Variants in NPAS3 observed in about 807,000 individuals in gnomAD.
The protein encoded by NPAS3 is neuronal PAS domain-containing protein 3.
In NPAS3, 14 loss-of-function variants were observed where a neutral mutation model predicts 73.1. The observed-to-expected ratio is 0.19, with a 90% CI of 0.13 to 0.30. The LOEUF is 0.30. Ranked by LOEUF, NPAS3 falls within the 10% of genes least tolerant of loss-of-function variation. NPAS3 has a pLI of 1.00. For missense variants in NPAS3, 1,096 were observed against 1,250.0 expected (o/e 0.88, Z 1.86); for synonymous variants, 620 against 541.5 (o/e 1.14, Z -2.01).
chr14:33,739,971 A>G (rs1343247523), intron 7 of NPAS3, among the ~76,000 whole-genome samples: 2 of 152,078 alleles, frequency 1.3e-5, no homozygotes, highest in Non-Finnish European at 2.9e-5. Flanking sequence ...TTATTTTTTC[A>G]TTTCCCCTAA....
intron 2 of NPAS3, among the ~76,000 whole-genome samples, chr14:33,094,329 T>G (rs1382861469): frequency 1.3e-5 from 2 of 152,222 alleles, no homozygotes; most frequent in Non-Finnish European, 2.9e-5. Context: ...GTTATTCAAT[T>G]TATTATCTTT....
intron 5 of NPAS3, among the ~76,000 whole-genome samples, chr14:33,670,398 A>ATAAG (rs1348551314): frequency 5.3e-5 from 8 of 152,190 alleles, no homozygotes; most frequent in African/African-American, 1.2e-4. Context: ...TTTTCTTCAG[A>ATAAG]TAAGTCAGCA....
chr14:33,794,595 T>TA (rs35594663), intron 10 of NPAS3, among the ~76,000 whole-genome samples: 1 of 149,408 alleles, frequency 6.7e-6, no homozygotes, highest in African/African-American at 2.5e-5. Context: ...AATAGCGGTG[T>TA]AAAAAATGAA....
rs545863184 is a variant in NPAS3 at position 33,121,358 on chromosome 14, A to T, written c.140+65364A>T. On this transcript the variant is annotated intron_variant, in intron 2 of 11. Coordinates refer to ENST00000356141, the Ensembl canonical transcript of NPAS3. ...GAATGAGTTGCCCTCTCCATGGGTT[A>T]TCTGTAGCATTTAGGCCAACCTCTC... Among the ~76,000 whole-genome samples the T allele has an allele frequency of 1.4e-4, 21 of 152,254 alleles. No homozygotes were observed. The South Asian group carries it at 4.1e-3, about 30-fold the overall frequency.
chr14:33,218,415 T>C (rs2047303581), intron 3 of NPAS3, among the ~76,000 whole-genome samples: 1 of 152,218 alleles, frequency 6.6e-6, no homozygotes, highest in Non-Finnish European at 1.5e-5. Flanking sequence ...AGTTCTTTAA[T>C]GCAAAACTGC....
At chr14:33,563,360 C>CTTCT (rs33959466) in intron 5 of NPAS3, among the ~76,000 whole-genome samples, 5 of 151,704 alleles carry the variant, frequency 3.3e-5, no homozygotes, top group Admixed American at 6.6e-5. Flanking sequence ...CTCTTTGACT[C>CTTCT]TCCCTTGGGT....
intron 5 of NPAS3, among the ~76,000 whole-genome samples, chr14:33,564,508 G>A (rs895548651): frequency 6.6e-6 from 1 of 152,228 alleles, no homozygotes; most frequent in Non-Finnish European, 1.5e-5. Context: ...TAGCTGTGCG[G>A]AAGACCATCG....
Position 33,800,263 on chromosome 14 carries a change from C to T in NPAS3, c.1956C>T (p.Ile652=). The T allele has an allele frequency of 6.2e-7, 1 of 1,613,444 alleles. No homozygotes were observed. Among genetic ancestry groups the T allele is most frequent in the Non-Finnish European group, 8.5e-7 (1 of 1,179,680 alleles). ...CGGTGCTCAAGATCAAGACGGAGAT[C>T]TCAGAACCCATCAATTTCGACAATG... The change falls in exon 12 of 12, where the codon ATC becomes ATT. Residue 652 remains isoleucine, a synonymous_variant. Coordinates refer to ENST00000356141, the Ensembl canonical transcript of NPAS3. The surrounding 1 kb of genome is among the most constrained non-coding windows in gnomAD (Gnocchi z 6.5).
At chr14:33,696,971 A>G (rs187298785) in intron 6 of NPAS3, among the ~76,000 whole-genome samples, 2 of 152,282 alleles carry the variant, frequency 1.3e-5, no homozygotes, top group East Asian at 3.9e-4. Flanking sequence ...CAAATTTATG[A>G]ACTACCAGTT....
At chr14:33,560,242 G>C (rs775345591) in intron 5 of NPAS3, 32 bp downstream of exon 5, 1 of 836,746 alleles carries the variant, frequency 1.2e-6, no homozygotes, top group Non-Finnish European at 2.1e-6. Flanking sequence ...TCTTGGCAGC[G>C]ATTATGAAGC....
At chr14:32,943,670 GTTTC>G (rs901227028) in intron 1 of NPAS3, among the ~76,000 whole-genome samples, 23 of 145,056 alleles carry the variant, frequency 1.6e-4, no homozygotes, top group Admixed American at 2.1e-4. Context: ...TTTCTTTTTT[GTTTC>G]TTTATTTCTT....
At chr14:33,711,050 C>T (rs938426310) in intron 6 of NPAS3, among the ~76,000 whole-genome samples, 1 of 152,272 alleles carries the variant, frequency 6.6e-6, no homozygotes, top group African/African-American at 2.4e-5. Flanking sequence ...AACTCTCTCA[C>T]CTTCATGACT....
chr14:33,661,229 G>A (rs1246163570), intron 5 of NPAS3, among the ~76,000 whole-genome samples: 2 of 152,032 alleles, frequency 1.3e-5, no homozygotes, highest in African/African-American at 2.4e-5. Flanking sequence ...GCTAATTAAG[G>A]GTTCCTTCCT....
At position 33,546,775 on chromosome 14, in the gene NPAS3, G is replaced by A. The variant is rs190828541; in HGVS notation, c.469-13346G>A. 3.6e-4 allele frequency among the ~76,000 whole-genome samples: 55 copies of A among 152,200 alleles called. No individual in the cohort carries two copies. In the East Asian group the frequency reaches 6.0e-3, roughly 17 times the overall value. On this transcript the variant is annotated intron_variant, in intron 4 of 11. Transcript: ENST00000356141. ...GTTACTTGCACCTTGCTGAGCTTAC[G>A]AGAAAGAGCTGAGCTTGTTGCATTA...
chr14:33,539,247 G>A (rs953447824), intron 4 of NPAS3, among the ~76,000 whole-genome samples: 46 of 152,084 alleles, frequency 3.0e-4, no homozygotes, highest in East Asian at 3.9e-4. Context: ...AGTATGGCTG[G>A]AGGCATAGCT....
At chr14:33,303,753 A>C (rs2042645164) in intron 3 of NPAS3, among the ~76,000 whole-genome samples, 1 of 151,570 alleles carries the variant, frequency 6.6e-6, no homozygotes. Flanking sequence ...ATTGTATATC[A>C]TGATATTGTT....
intron 3 of NPAS3, among the ~76,000 whole-genome samples, chr14:33,227,828 C>T (rs2047691954): frequency 6.6e-6 from 1 of 152,144 alleles, no homozygotes; most frequent in Non-Finnish European, 1.5e-5. Flanking sequence ...CTAGAGAATC[C>T]AGCAAAATGT....
At position 33,765,790 on chromosome 14, in the gene NPAS3, G is replaced by C. The variant is rs546781614; in HGVS notation, c.853-8547G>C. ...ATTCTGCTCTCCTGATGGAGAGGAA[G>C]CTGCAGCTGGGTGGATGGTATGTCC... On this transcript the variant is annotated intron_variant, in intron 7 of 11. Transcript: ENST00000356141. Among the ~76,000 whole-genome samples, 3 of 152,256 alleles carry C rather than the reference G, an allele frequency of 2.0e-5. No homozygotes were observed. The East Asian group carries it at 5.8e-4, about 29-fold the overall frequency.
chr14:32,948,970 C>T (rs1376120683), intron 1 of NPAS3, among the ~76,000 whole-genome samples: 1 of 152,078 alleles, frequency 6.6e-6, no homozygotes, highest in Non-Finnish European at 1.5e-5. Flanking sequence ...TTTAATTCTT[C>T]GCTATGGTCA....
Sources: allele counts gnomAD v4.1 joint callset (sites outside exome capture counted in the v4.1 genomes callset), GRCh38; gene constraint gnomAD v4.1.1; non-coding constraint Gnocchi (gnomAD v3.1); transcripts MANE v1.5; gene names NCBI Gene and HGNC (gene_info 2026-07-23, HGNC 2026-07-21).